Variants in ADHFE1 observed in about 807,000 individuals in gnomAD.
The protein encoded by ADHFE1 is alcohol dehydrogenase iron containing 1, also known as hydroxyacid-oxoacid transhydrogenase, mitochondrial.
Under a neutral mutation model 54.8 loss-of-function variants are expected in ADHFE1, and 37 were observed. That is an observed-to-expected ratio of 0.68 (90% confidence interval 0.52 to 0.89). ADHFE1 has a LOEUF of 0.89. Among genes scored for constraint, ADHFE1 ranks in the 40% least tolerant of loss-of-function variants. The probability of loss-of-function intolerance (pLI) is 0.00; values close to 1 mark genes in which losing one functional copy is unlikely to be tolerated. For synonymous variants in ADHFE1, 203 were observed against 229.3 expected (o/e 0.89, Z 1.04); for missense variants, 601 against 591.2 (o/e 1.02, Z -0.17).
Position 66,432,507 on chromosome 8 carries a change from T to C in ADHFE1, c.-10T>C, listed in dbSNP as rs1805248144. The C allele has an allele frequency of 1.5e-6, 2 of 1,364,932 alleles. No homozygotes were observed. Among genetic ancestry groups the C allele is most frequent in the Non-Finnish European group, 1.9e-6 (2 of 1,049,300 alleles). 84.6% of individuals were successfully genotyped at this position (1,364,932 alleles called of 1,614,324 possible). On this transcript the variant is annotated 5_prime_UTR_variant, in exon 1 of 14. Coordinates refer to ENST00000396623, the MANE Select transcript of ADHFE1 (RefSeq NM_144650.3). Reference sequence around the variant, plus strand: ...TAGCGACCCGAGGAGGGAAGAGGACTCCAAGCGCCATGGCCGCTGCCGCCC... The same window carrying C: ...TAGCGACCCGAGGAGGGAAGAGGACCCCAAGCGCCATGGCCGCTGCCGCCC...
intron 13 of ADHFE1, among the ~76,000 whole-genome samples, chr8:66,467,560 A>C (rs1009523738): frequency 1.3e-5 from 2 of 152,150 alleles, no homozygotes; most frequent in African/African-American, 4.8e-5. Context: ...CAGCAATAGA[A>C]AACATGCCCA....
In ADHFE1 at chr8:66,464,839, A is replaced by C. The variant is rs995274523; in HGVS notation, c.1321-3430A>C. Among the ~76,000 whole-genome samples the C allele has an allele frequency of 1.2e-4, 18 of 152,118 alleles. 1 individual carries two copies. The highest frequency in any genetic ancestry group is 5.9e-5 in the Non-Finnish European group (4 of 68,010). On this transcript the variant is annotated intron_variant, in intron 13 of 13. Coordinates refer to ENST00000396623, the MANE Select transcript of ADHFE1 (RefSeq NM_144650.3). ...ACTCTTTTTTTAATCATGCCAAACA[A>C]GTGGTGTGTCTGTTAAACACGAATT...
At chr8:66,435,090 T>C (rs1038583337) in intron 1 of ADHFE1, among the ~76,000 whole-genome samples, 3 of 152,122 alleles carry the variant, frequency 2.0e-5, no homozygotes, top group African/African-American at 4.8e-5. Flanking sequence ...AGGGGATAGA[T>C]GACAAACTAG....
intron 5 of ADHFE1, among the ~76,000 whole-genome samples, 198 bp downstream of exon 5, chr8:66,444,946 C>T (rs1045385064): frequency 2.6e-5 from 4 of 151,978 alleles, no homozygotes; most frequent in African/African-American, 4.8e-5. Flanking sequence ...ACTAAAAATA[C>T]AAAAATTAGC....
At chr8:66,451,905 G>A in intron 8 of ADHFE1, 48 bp from the exon 9 acceptor site, 1 of 1,596,522 alleles carries the variant, frequency 6.3e-7, no homozygotes, top group Non-Finnish European at 8.5e-7. Flanking sequence ...TGGAGGGAAG[G>A]AGGAAGATGA....
At chr8:66,460,510 G>A (rs778829663) in intron 13 of ADHFE1, 45 bp downstream of exon 13, 19 of 1,520,296 alleles carry the variant, frequency 1.2e-5, no homozygotes, top group South Asian at 3.9e-5. Flanking sequence ...GGAGCCTAGC[G>A]CCTCCAGAAA....
chr8:66,439,503 G>A lies in ADHFE1; in HGVS notation c.60-659G>A. 1 of 985,826 alleles carries A rather than the reference G, an allele frequency of 1.0e-6. No individual in the cohort carries two copies. The highest frequency in any genetic ancestry group is 1.2e-6 in the Non-Finnish European group (1 of 830,134). 61.1% of individuals were successfully genotyped at this position (985,826 alleles called of 1,614,324 possible). Reference sequence around the variant, plus strand: ...TGGGAAATCTGTAGAGAAGTCGACCGAGAAGTGAGATGCGGTGGCGACCTC... The same window carrying A: ...TGGGAAATCTGTAGAGAAGTCGACCAAGAAGTGAGATGCGGTGGCGACCTC... On this transcript the variant is annotated intron_variant, in intron 1 of 13. Transcript: ENST00000396623. The surrounding 1 kb of genome is among the most constrained non-coding windows in gnomAD (Gnocchi z 4.4).
intron 13 of ADHFE1, 135 bp downstream of exon 13, chr8:66,460,600 C>A: frequency 9.4e-7 from 1 of 1,064,290 alleles, no homozygotes; most frequent in Non-Finnish European, 1.3e-6. Context: ...CCACAGCAGA[C>A]AGCAGTTCTG....
At chr8:66,463,044 A>G (rs1393418031) in intron 13 of ADHFE1, among the ~76,000 whole-genome samples, 3 of 150,714 alleles carry the variant, frequency 2.0e-5, no homozygotes, top group South Asian at 4.2e-4. Flanking sequence ...CTGGTCTCAA[A>G]CTCCTGACCT....
chr8:66,456,147 A>G (rs1806573940), intron 10 of ADHFE1, among the ~76,000 whole-genome samples: 1 of 152,200 alleles, frequency 6.6e-6, no homozygotes, highest in African/African-American at 2.4e-5. Context: ...TCTAAAAAAA[A>G]AAAGAATTTT....
chr8:66,463,119 G>A (rs1806989438), intron 13 of ADHFE1, among the ~76,000 whole-genome samples: 1 of 152,180 alleles, frequency 6.6e-6, no homozygotes, highest in South Asian at 2.1e-4. Context: ...ACCACAACTG[G>A]CCCAGACTGT....
rs1420598121 is a variant in ADHFE1 at position 66,451,991 on chromosome 8, T to C, written c.773T>C (p.Leu258Pro). Residue 258 changes from leucine (L) to proline (P), a missense_variant, in exon 9 of 14, where the codon CTG becomes CCG. Transcript: ENST00000396623. Reference protein sequence around the residue: ...LESYTTLPYHLRSPCPSNPIT... With the variant: ...LESYTTLPYHPRSPCPSNPIT... ...TCATACACCACCCTGCCCTACCACCTGCGGAGCCCCTGCCCTTCAAATCCC... is the reference window on the plus strand; with the variant it reads ...TCATACACCACCCTGCCCTACCACCCGCGGAGCCCCTGCCCTTCAAATCCC... 1.9e-6 allele frequency: 3 copies of C among 1,614,174 alleles called. No individual in the cohort carries two copies. The highest frequency in any genetic ancestry group is 2.2e-5 in the South Asian group (2 of 91,082).
At chr8:66,456,916 T>G (rs769280937) in intron 11 of ADHFE1, 21 bp downstream of exon 11, 23 of 1,468,354 alleles carry the variant, frequency 1.6e-5, no homozygotes, top group South Asian at 1.0e-4. Flanking sequence ...AAGAATAAAT[T>G]ATTTAATTAA....
intron 13 of ADHFE1, among the ~76,000 whole-genome samples, chr8:66,461,702 G>A (rs769135588): frequency 6.6e-6 from 1 of 151,762 alleles, no homozygotes; most frequent in Non-Finnish European, 1.5e-5. Flanking sequence ...CAGAAGATCA[G>A]GTCCCAGTGT....
At chr8:66,434,544 G>C (rs1271954064) in intron 1 of ADHFE1, among the ~76,000 whole-genome samples, 1 of 152,190 alleles carries the variant, frequency 6.6e-6, no homozygotes, top group African/African-American at 2.4e-5. Flanking sequence ...TTTTAAAAGT[G>C]GGAGATTTCC....
At position 66,447,441 on chromosome 8, in the gene ADHFE1, A is replaced by G. The variant is rs1020463094; in HGVS notation, c.628+100A>G. ...ATCAAGCAGTTATGATACAGTTAGA[A>G]TAAGCCCCAATATTCTATAGAAGAG... On this transcript the variant is annotated intron_variant, in intron 7 of 13. Coordinates refer to ENST00000396623, the MANE Select transcript of ADHFE1 (RefSeq NM_144650.3). 2.5e-5 allele frequency: 24 copies of G among 960,044 alleles called. No homozygotes were observed. The Admixed American group carries it at 4.9e-4, about 19-fold the overall frequency. 59.5% of individuals were successfully genotyped at this position (960,044 alleles called of 1,614,324 possible).
intron 2 of ADHFE1, among the ~76,000 whole-genome samples, chr8:66,441,395 C>G (rs1805736807): frequency 6.6e-6 from 1 of 152,082 alleles, no homozygotes; most frequent in Admixed American, 6.5e-5. Flanking sequence ...TGCACCGGGA[C>G]AGATTATTTT....
chr8:66,461,183 G>C (rs1308743157), intron 13 of ADHFE1, among the ~76,000 whole-genome samples: 1 of 152,190 alleles, frequency 6.6e-6, no homozygotes, highest in Non-Finnish European at 1.5e-5. Context: ...CCATAAAGCA[G>C]AGAGCTCAGA....
In ADHFE1 at chr8:66,456,527, T is replaced by C. The variant is rs552896038; in HGVS notation, c.987-290T>C. Among the ~76,000 whole-genome samples the C allele has an allele frequency of 3.3e-5, 5 of 152,338 alleles. No homozygotes were observed. The East Asian group carries it at 5.8e-4, about 18-fold the overall frequency. On this transcript the variant is annotated intron_variant, in intron 10 of 13. Coordinates refer to ENST00000396623, the MANE Select transcript of ADHFE1 (RefSeq NM_144650.3). ...GTGAATTACCGAGTCTTTGAGATCG[T>C]AATGTTAACTAATGGGTTCAGGGAG...
Sources: gnomAD v4.1 joint callset for allele counts (sites outside exome capture counted in the v4.1 genomes callset) on GRCh38, gnomAD v4.1.1 for gene constraint, Gnocchi (gnomAD v3.1) non-coding constraint, MANE v1.5 for transcripts, NCBI Gene and HGNC (gene_info 2026-07-23, HGNC 2026-07-21) for gene names.